Variants in MCPH1 observed in about 807,000 individuals in gnomAD.
MCPH1 encodes microcephalin 1.
A neutral mutation model predicts 84.5 loss-of-function variants in MCPH1; 104 were observed. The observed-to-expected ratio is 1.23, with a 90% CI of 1.05 to 1.45. The LOEUF (loss-of-function observed/expected upper bound fraction) is 1.45. MCPH1 is among the 40% of genes most tolerant of loss of function. The pLI is 0.00. For synonymous variants in MCPH1, 514 were observed against 366.8 expected (o/e 1.40, Z -4.58); for missense variants, 1,498 against 1,005.7 (o/e 1.49, Z -6.62).
At chr8:6,531,863 C>T (rs547840148) in intron 12 of MCPH1, among the ~76,000 whole-genome samples, 1 of 152,350 alleles carries the variant, frequency 6.6e-6, no homozygotes, top group East Asian at 1.9e-4. Flanking sequence ...TCTCCATAAA[C>T]TCATTCCACA....
At chr8:6,576,047 T>TAAAA (rs1563147297) in intron 12 of MCPH1, among the ~76,000 whole-genome samples, 1 of 138,394 alleles carries the variant, frequency 7.2e-6, no homozygotes, top group African/African-American at 2.7e-5. Context: ...TAATACAGCC[T>TAAAA]TAAAAAAAAA....
At chr8:6,424,431 C>T (rs7008037) in intron 3 of MCPH1, among the ~76,000 whole-genome samples, 37,004 of 151,974 alleles carry the variant, frequency 0.24, 5,618 homozygotes, top group African/African-American at 0.43. Context: ...CAACACAGGC[C>T]GACATTAGGG....
chr8:6,447,568 G>T (rs1804581033), intron 8 of MCPH1: 1 of 398,044 alleles, frequency 2.5e-6, no homozygotes, highest in East Asian at 1.6e-4. Context: ...AGTTTTTTTT[G>T]AGACATAGTC....
intron 12 of MCPH1, among the ~76,000 whole-genome samples, chr8:6,562,300 G>C (rs905948479): frequency 6.6e-6 from 1 of 152,044 alleles, no homozygotes; most frequent in Non-Finnish European, 1.5e-5. Flanking sequence ...CCTGGTGATG[G>C]GTGTTACTGA....
chr8:6,459,974 C>T (rs180943986), intron 9 of MCPH1, among the ~76,000 whole-genome samples: 4 of 152,340 alleles, frequency 2.6e-5, no homozygotes, highest in East Asian at 1.9e-4. Flanking sequence ...ACTTCAGCCA[C>T]GGCCACGGGC....
intron 9 of MCPH1, among the ~76,000 whole-genome samples, chr8:6,465,461 C>A (rs986455066): frequency 6.6e-6 from 1 of 152,152 alleles, no homozygotes; most frequent in African/African-American, 2.4e-5. Flanking sequence ...CTTCCTCTTA[C>A]CAGTAATTAG....
At chr8:6,508,579 G>C (rs1814269523) in intron 12 of MCPH1, 1 of 428,478 alleles carries the variant, frequency 2.3e-6, no homozygotes, top group East Asian at 3.9e-5. Context: ...GTTGCTACTT[G>C]GAATTTTTAA....
At chr8:6,562,877 T>C in intron 12 of MCPH1, 1 of 1,611,160 alleles carries the variant, frequency 6.2e-7, no homozygotes, top group East Asian at 2.2e-5. Flanking sequence ...CGAAAGTTGT[T>C]ATAGGCTGCG....
intron 12 of MCPH1, among the ~76,000 whole-genome samples, chr8:6,605,835 T>C (rs542982635): frequency 6.6e-6 from 1 of 152,172 alleles, no homozygotes; most frequent in Non-Finnish European, 1.5e-5. Flanking sequence ...GTAGCTGGGA[T>C]TACAGGTGTT....
At chr8:6,523,044 C>T (rs1817661379) in intron 12 of MCPH1, among the ~76,000 whole-genome samples, 1 of 151,820 alleles carries the variant, frequency 6.6e-6, no homozygotes, top group Non-Finnish European at 1.5e-5. Context: ...GTCACCCAGA[C>T]TGGAGTGCAA....
chr8:6,474,769 A>G (rs1808218152), intron 9 of MCPH1, among the ~76,000 whole-genome samples: 1 of 152,174 alleles, frequency 6.6e-6, no homozygotes, highest in Non-Finnish European at 1.5e-5. Context: ...GGAGTCCAAG[A>G]TGGGAGGATT....
At chr8:6,630,554 G>C (rs2928590) in intron 13 of MCPH1, among the ~76,000 whole-genome samples, 1 of 152,178 alleles carries the variant, frequency 6.6e-6, no homozygotes, top group African/African-American at 2.4e-5. Flanking sequence ...GGCTGAAGTG[G>C]ACAGATCACT....
chr8:6,489,417 T>G (rs549058659), intron 11 of MCPH1, among the ~76,000 whole-genome samples: 1 of 152,040 alleles, frequency 6.6e-6, no homozygotes, highest in Admixed American at 6.5e-5. Context: ...GAAGGAAGGA[T>G]GCTCAGCTGT....
intron 12 of MCPH1, among the ~76,000 whole-genome samples, chr8:6,568,882 T>G (rs1826439705): frequency 1.3e-5 from 2 of 152,192 alleles, no homozygotes; most frequent in Non-Finnish European, 2.9e-5. Context: ...CCTTAATTTT[T>G]GGAAAGTGCC....
At chr8:6,540,384 C>T (rs1285867948) in intron 12 of MCPH1, among the ~76,000 whole-genome samples, 3 of 152,176 alleles carry the variant, frequency 2.0e-5, no homozygotes, top group Admixed American at 2.0e-4. Context: ...TTTAAGGAGA[C>T]TGCTGTAGTA....
chr8:6,419,252 C>T (rs1205784629), intron 3 of MCPH1, among the ~76,000 whole-genome samples: 1 of 151,880 alleles, frequency 6.6e-6, no homozygotes, highest in African/African-American at 2.4e-5. Context: ...CAGGGTCTTG[C>T]TCTGTTGCCG....
intron 12 of MCPH1, among the ~76,000 whole-genome samples, chr8:6,552,463 C>A (rs1355003644): frequency 6.6e-6 from 1 of 152,150 alleles, no homozygotes; most frequent in Non-Finnish European, 1.5e-5. Flanking sequence ...TTCGAGTAAA[C>A]ATGTGCTTTG....
At chr8:6,424,530 C>G (rs1003112426) in intron 3 of MCPH1, among the ~76,000 whole-genome samples, 2 of 152,212 alleles carry the variant, frequency 1.3e-5, no homozygotes, top group Non-Finnish European at 2.9e-5. Flanking sequence ...CCTCAGCCTT[C>G]TCACCCTGCA....
chr8:6,513,335 CTT>C (rs1189719867), intron 12 of MCPH1, among the ~76,000 whole-genome samples: 2 of 143,208 alleles, frequency 1.4e-5, no homozygotes, highest in Non-Finnish European at 3.1e-5. Flanking sequence ...TTTTCTTTTT[CTT>C]TTTTTTTTTT....
Sources: gnomAD v4.1 joint callset for allele counts (sites outside exome capture counted in the v4.1 genomes callset) on GRCh38, gnomAD v4.1.1 for gene constraint, MANE v1.5 for transcripts, NCBI Gene and HGNC (gene_info 2026-07-23, HGNC 2026-07-21) for gene names.